CENPO: variants seen among roughly 807,000 people sequenced by gnomAD.
CENPO encodes centromeric protein O.
In CENPO, 30 loss-of-function variants were observed where a neutral mutation model predicts 36.1. That is an observed-to-expected ratio of 0.83 (90% CI 0.62 to 1.13). The LOEUF (loss-of-function observed/expected upper bound fraction) is 1.13, where lower values mean the gene tolerates loss of function less well. Ranked by LOEUF, CENPO falls within the 50% of genes most tolerant of loss-of-function variation. The pLI, the probability that CENPO is intolerant of heterozygous loss-of-function variation, is 0.00. For synonymous variants in CENPO, 171 were observed against 142.3 expected, an observed-to-expected ratio of 1.20 and a Z score of -1.44; for missense variants, 349 against 357.8, an observed-to-expected ratio of 0.98 and a Z score of 0.20.
In CENPO at chr2:24,820,000, C is replaced by G; in HGVS notation, c.*682C>G. 1 of 1,612,948 alleles carries G rather than the reference C, an allele frequency of 6.2e-7. No homozygotes were observed. Among genetic ancestry groups the G allele is most frequent in the East Asian group, 2.2e-5 (1 of 44,690 alleles). On this transcript the variant is annotated 3_prime_UTR_variant, in exon 8 of 8. Transcript: ENST00000380834. ...CCATTGGGGAAGGTGGCTAGCTTATCCCGCCCCTTCAAGAAGAAGGTCAGC... is the reference window on the plus strand; with the variant it reads ...CCATTGGGGAAGGTGGCTAGCTTATGCCGCCCCTTCAAGAAGAAGGTCAGC...
In CENPO at chr2:24,816,539, A is replaced by G. The variant is rs987772585; in HGVS notation, c.595-107A>G. The G allele has an allele frequency of 1.4e-5, 10 of 733,242 alleles. No individual in the cohort carries two copies. In the African/African-American group the frequency reaches 1.6e-4, roughly 12 times the overall value. 45.4% of individuals were successfully genotyped at this position (733,242 alleles called of 1,614,324 possible). ...TCTGTCCCTCATTTATTTCTCTGAA[A>G]TGTAATCGATGGGCCTCTTTTTGGT... On this transcript the variant is annotated intron_variant, in intron 5 of 7. Transcript: ENST00000380834.
At chr2:24,817,485 G>T (rs1667002297) in intron 6 of CENPO, among the ~76,000 whole-genome samples, 185 bp from the exon 7 acceptor site, 2 of 64,908 alleles carry the variant, frequency 3.1e-5, no homozygotes, top group South Asian at 4.9e-4. Context: ...AAGCTGTATG[G>T]GTCCAGTGGG....
In CENPO at chr2:24,819,964, T is replaced by A. The variant is rs1421584169; in HGVS notation, c.*646T>A. 6.2e-7 allele frequency: 1 copy of A among 1,613,804 alleles called. No homozygotes were observed. The highest frequency in any genetic ancestry group is 1.7e-5 in the Admixed American group (1 of 59,986). The stretch of plus-strand genomic sequence containing the variant: ...TTGTCCACCACCTGGTGGGGCAGTG[T>A]GACAGAGGGGCCATTGGGGAAGGTG... On this transcript the variant is annotated 3_prime_UTR_variant, in exon 8 of 8. Coordinates refer to ENST00000380834, the MANE Select transcript of CENPO (RefSeq NM_001322101.2).
At chr2:24,816,454 T>C in intron 5 of CENPO, 192 bp from the exon 6 acceptor site, 2 of 562,424 alleles carry the variant, frequency 3.6e-6, no homozygotes, top group South Asian at 5.5e-5. Context: ...CTTTCCAGGC[T>C]GCCAGTGACT....
Position 24,820,760 on chromosome 2 carries a change from G to C in CENPO, c.*1442G>C. 1.2e-6 allele frequency: 2 copies of C among 1,614,068 alleles called. No homozygotes were observed. The highest frequency in any genetic ancestry group is 1.7e-6 in the Non-Finnish European group (2 of 1,179,992). On this transcript the variant is annotated 3_prime_UTR_variant, in exon 8 of 8. Coordinates refer to ENST00000380834, the MANE Select transcript of CENPO (RefSeq NM_001322101.2). Reference sequence around the variant, plus strand: ...CCATGACCCCCGTGGACTCCATCCTGCTGGCTACATTGACTGTATTGCCCC... The same window carrying C: ...CCATGACCCCCGTGGACTCCATCCTCCTGGCTACATTGACTGTATTGCCCC...
intron 7 of CENPO, among the ~76,000 whole-genome samples, chr2:24,818,341 C>A (rs917698956): frequency 6.6e-6 from 1 of 152,086 alleles, no homozygotes; most frequent in Non-Finnish European, 1.5e-5. Flanking sequence ...GAAAAATAAC[C>A]CACATTCACT....
chr2:24,800,557 A>G (rs1004124654), intron 3 of CENPO, among the ~76,000 whole-genome samples: 4 of 138,286 alleles, frequency 2.9e-5, no homozygotes, highest in South Asian at 4.5e-4. Context: ...ATTCCCACCT[A>G]TGAGTGAGAA....
chr2:24,801,099 G>T (rs986296522), intron 3 of CENPO, among the ~76,000 whole-genome samples: 19 of 152,308 alleles, frequency 1.2e-4, no homozygotes, highest in Middle Eastern at 6.8e-3. Context: ...ATTTTTTCAT[G>T]TGTCTTTTGG....
At chr2:24,815,409 T>C in intron 4 of CENPO, 88 bp from the exon 5 acceptor site, 1 of 952,912 alleles carries the variant, frequency 1.0e-6, no homozygotes, top group Non-Finnish European at 1.7e-6. Flanking sequence ...GTACATATTC[T>C]AGGCACTGTG....
intron 3 of CENPO, among the ~76,000 whole-genome samples, chr2:24,802,077 C>T (rs1375438754): frequency 6.6e-6 from 1 of 152,126 alleles, no homozygotes; most frequent in East Asian, 1.9e-4. Flanking sequence ...GTATTTTATT[C>T]TCTTTGTAGC....
At chr2:24,816,082 C>T (rs190710118) in intron 5 of CENPO, 25 of 311,254 alleles carry the variant, frequency 8.0e-5, no homozygotes, top group South Asian at 2.0e-4. Context: ...TGTACCATAC[C>T]GAGTGCCTTG....
intron 3 of CENPO, 115 bp from the exon 4 acceptor site, chr2:24,814,261 T>C (rs1666834387): frequency 2.8e-6 from 2 of 702,224 alleles, no homozygotes; most frequent in Admixed American, 4.3e-5. Flanking sequence ...CACTGTAGCA[T>C]TTCTTGATGT....
In CENPO at chr2:24,814,707, G is replaced by T. The variant is rs1666862105; in HGVS notation, c.334+214G>T. ...ACCTACAAGATTGACTGGCCCCTTTGTACAGCAGCTCAGTTGGTGGCTGGC... is the reference window on the plus strand; with the variant it reads ...ACCTACAAGATTGACTGGCCCCTTTTTACAGCAGCTCAGTTGGTGGCTGGC... On this transcript the variant is annotated intron_variant, in intron 4 of 7. Transcript: ENST00000380834. 9.3e-6 allele frequency: 5 copies of T among 535,586 alleles called. No homozygotes were observed. In the East Asian group the frequency reaches 1.6e-4, roughly 17 times the overall value. The allele number at this position is 535,586 out of a possible 1,614,324, so 33.2% of individuals were successfully genotyped here.
At position 24,799,301 on chromosome 2, in the gene CENPO, A is replaced by G. The variant is rs116191375; in HGVS notation, c.47-374A>G. Among the ~76,000 whole-genome samples the G allele has an allele frequency of 2.2e-3, 331 of 152,200 alleles. 1 individual carries two copies. Among genetic ancestry groups the G allele is most frequent in the African/African-American group, 6.5e-3 (269 of 41,542 alleles). On this transcript the variant is annotated intron_variant, in intron 2 of 7. Coordinates refer to ENST00000380834, the MANE Select transcript of CENPO (RefSeq NM_001322101.2). The stretch of plus-strand genomic sequence containing the variant: ...GTGTGAGCCACCGCCCTCGGCTGTG[A>G]GAGGGCTTCTCTCCGGCCTGTGGTA...
In CENPO at chr2:24,793,883, C is replaced by G. The variant is rs1194177144; in HGVS notation, c.-37C>G. 1 of 1,614,114 alleles carries G rather than the reference C, an allele frequency of 6.2e-7. No homozygotes were observed. The highest frequency in any genetic ancestry group is 8.5e-7 in the Non-Finnish European group (1 of 1,179,982). On this transcript the variant is annotated 5_prime_UTR_variant, in exon 2 of 8. Transcript: ENST00000380834. ...CATTGGAGTCCCTATCACCGGTTGC[C>G]TAGACAACTTCATGGGAAGGCCCTT...
At chr2:24,806,084 G>C (rs1384883162) in intron 3 of CENPO, among the ~76,000 whole-genome samples, 2 of 152,240 alleles carry the variant, frequency 1.3e-5, no homozygotes, top group East Asian at 3.9e-4. Context: ...TGTTGTGCTA[G>C]CAATGAGCAG....
chr2:24,813,379 C>T (rs1260120784), intron 3 of CENPO, among the ~76,000 whole-genome samples: 1 of 152,126 alleles, frequency 6.6e-6, no homozygotes, highest in Non-Finnish European at 1.5e-5. Flanking sequence ...GGTCTATTTC[C>T]GGTTTCCCTT....
At chr2:24,794,455 G>C (rs1665789568) in intron 2 of CENPO, among the ~76,000 whole-genome samples, 1 of 152,206 alleles carries the variant, frequency 6.6e-6, no homozygotes, top group Admixed American at 6.5e-5. Context: ...TGTGGTTGTG[G>C]AAAAAGTATT....
chr2:24,793,602 G>C, intron 1 of CENPO, 101 bp downstream of exon 1: 9 of 1,448,964 alleles, frequency 6.2e-6, no homozygotes, highest in African/African-American at 5.7e-5. Flanking sequence ...TTCCGTGGCC[G>C]GGAAGCCCGC....
Sources: gnomAD v4.1 joint callset for allele counts (sites outside exome capture counted in the v4.1 genomes callset) on GRCh38, gnomAD v4.1.1 for gene constraint, MANE v1.5 for transcripts, NCBI Gene and HGNC (gene_info 2026-07-23, HGNC 2026-07-21) for gene names.